Variants in PRKCG observed in about 807,000 individuals in gnomAD.
PRKCG encodes protein kinase C gamma.
In PRKCG, 28 loss-of-function variants were observed where a neutral mutation model predicts 82.0. The observed-to-expected ratio is 0.34, with a 90% CI of 0.25 to 0.47. PRKCG has a LOEUF of 0.47. Among genes scored for constraint, PRKCG ranks in the 20% least tolerant of loss-of-function variants. The pLI is 1.00. For missense variants in PRKCG, 640 were observed against 952.7 expected (o/e 0.67, Z 4.32); for synonymous variants, 383 against 376.6 (o/e 1.02, Z -0.20).
At chr19:53,887,787 A>C (rs1308497490) in intron 3 of PRKCG, among the ~76,000 whole-genome samples, 2 of 146,978 alleles carry the variant, frequency 1.4e-5, no homozygotes, top group African/African-American at 2.5e-5. Flanking sequence ...CCGAGATCAC[A>C]CCACTGCACT....
At chr19:53,885,709 G>A (rs772287006) in intron 3 of PRKCG, among the ~76,000 whole-genome samples, 36 of 152,070 alleles carry the variant, frequency 2.4e-4, no homozygotes, top group Admixed American at 3.9e-4. Context: ...GAGAGAGAGA[G>A]ATCCACAGAA....
chr19:53,907,152 G>A lies in PRKCG; in HGVS notation c.*257G>A. 1 of 762,598 alleles carries A rather than the reference G, an allele frequency of 1.3e-6. No individual in the cohort carries two copies. Among genetic ancestry groups the A allele is most frequent in the East Asian group, 2.9e-5 (1 of 35,006 alleles). 47.2% of individuals were successfully genotyped at this position (762,598 alleles called of 1,614,324 possible). A position where few individuals can be genotyped will look rare whatever the true frequency, so the allele number is the denominator to read the frequency against. ...CCCTGACCTTAGCGTTCTGGACTCTGCCCCAATCGGGTCCAGAGACCACAC... is the reference window on the plus strand; with the variant it reads ...CCCTGACCTTAGCGTTCTGGACTCTACCCCAATCGGGTCCAGAGACCACAC... On this transcript the variant is annotated 3_prime_UTR_variant, in exon 18 of 18. Transcript: ENST00000263431.
At position 53,889,006 on chromosome 19, in the gene PRKCG, G is replaced by A. The variant is rs1381599865; in HGVS notation, c.286-632G>A. On this transcript the variant is annotated intron_variant, in intron 3 of 17. Transcript: ENST00000263431. The surrounding 1 kb of genome is among the most constrained non-coding windows in gnomAD (Gnocchi z 4.4). ...CTTGCTCTGTCATCCAGGCTGGAGT[G>A]CAGTGGCACAATCTTGGCTCACTGC... Among the ~76,000 whole-genome samples the A allele has an allele frequency of 6.6e-6, 1 of 152,098 alleles. No individual in the cohort carries two copies. The highest frequency in any genetic ancestry group is 1.5e-5 in the Non-Finnish European group (1 of 68,020).
At chr19:53,894,053 G>C (rs184685619) in intron 9 of PRKCG, among the ~76,000 whole-genome samples, 1 of 144,028 alleles carries the variant, frequency 6.9e-6, no homozygotes, top group African/African-American at 2.6e-5. Context: ...CACTGCGCCC[G>C]ACCGATTCTT....
In PRKCG at chr19:53,889,104, C is replaced by T. The variant is rs192659017; in HGVS notation, c.286-534C>T. Among the ~76,000 whole-genome samples the T allele has an allele frequency of 5.3e-3, 806 of 152,252 alleles. 9 individuals are homozygous for T. Among genetic ancestry groups the T allele is most frequent in the African/African-American group, 0.018 (768 of 41,532 alleles). Reference sequence around the variant, plus strand: ...AGTAGCTGGGATTACAGGCATGCACCACCATGTCCGGCTAATTTTTGTATT... The same window carrying T: ...AGTAGCTGGGATTACAGGCATGCACTACCATGTCCGGCTAATTTTTGTATT... On this transcript the variant is annotated intron_variant, in intron 3 of 17. Coordinates refer to ENST00000263431, the MANE Select transcript of PRKCG (RefSeq NM_002739.5). This position sits in a 1 kb window ranked among gnomAD's most constrained non-coding sequence, Gnocchi z 4.4.
chr19:53,885,821 A>T (rs2068627282), intron 3 of PRKCG, among the ~76,000 whole-genome samples: 1 of 152,080 alleles, frequency 6.6e-6, no homozygotes, highest in Admixed American at 6.5e-5. Context: ...GTCTACCAGC[A>T]CGTGTATGTG....
At chr19:53,881,661 G>C (rs767913858), upstream of PRKCG, 2 of 152,296 alleles carry the variant, frequency 1.3e-5, no homozygotes, top group Non-Finnish European at 2.9e-5. Context: ...GCATTTCTCG[G>C]AGACAGGGAA....
chr19:53,893,509 AGG>A, intron 9 of PRKCG, 118 bp downstream of exon 9: 5 of 1,137,656 alleles, frequency 4.4e-6, no homozygotes, highest in Non-Finnish European at 6.6e-6. Flanking sequence ...CATTTGTGCT[AGG>A]CCTGTCTTGT....
At position 53,889,488 on chromosome 19, in the gene PRKCG, G is replaced by C. The variant is rs977288234; in HGVS notation, c.286-150G>C. The stretch of plus-strand genomic sequence containing the variant: ...CAAGAACAGTCCCTGGCACACAGCA[G>C]GTGCTCAATGATTATTGGTACATAG... On this transcript the variant is annotated intron_variant, in intron 3 of 17. Transcript: ENST00000263431. The surrounding 1 kb of genome is among the most constrained non-coding windows in gnomAD (Gnocchi z 4.4). 1 of 659,106 alleles carries C rather than the reference G, an allele frequency of 1.5e-6. No individual in the cohort carries two copies. The highest frequency in any genetic ancestry group is 2.8e-6 in the Non-Finnish European group (1 of 361,654). The allele number at this position is 659,106 out of a possible 1,614,324, so 40.8% of individuals were successfully genotyped here.
At chr19:53,897,110 G>C (rs1224681124) in intron 9 of PRKCG, among the ~76,000 whole-genome samples, 3 of 152,174 alleles carry the variant, frequency 2.0e-5, no homozygotes, top group Admixed American at 1.3e-4. Context: ...GCCTGGGAGA[G>C]AGAAGAACAA....
At chr19:53,886,078 A>AT (rs1340733943) in intron 3 of PRKCG, among the ~76,000 whole-genome samples, 26 of 144,906 alleles carry the variant, frequency 1.8e-4, no homozygotes, top group South Asian at 1.8e-3. Flanking sequence ...AAAAAAAAAG[A>AT]TTTTTTTTTG....
Position 53,889,568 on chromosome 19 carries a change from TA to T in PRKCG, c.286-66del. 2 of 1,184,220 alleles carry T rather than the reference TA, an allele frequency of 1.7e-6. No individual in the cohort carries two copies. The highest frequency in any genetic ancestry group is 2.5e-6 in the Non-Finnish European group (2 of 797,888). 73.4% of individuals were successfully genotyped at this position (1,184,220 alleles called of 1,614,324 possible). A position where few individuals can be genotyped will look rare whatever the true frequency, so the allele number is the denominator to read the frequency against. On this transcript the variant is annotated intron_variant, in intron 3 of 17. Transcript: ENST00000263431. The surrounding 1 kb of genome is among the most constrained non-coding windows in gnomAD (Gnocchi z 4.4). Reference sequence around the variant, plus strand: ...TAGAGAGCAAGGCAGGAGGAAAAGATAAAAGGGCCCCTCCCCTGGGGTTTTA... The same window carrying T: ...TAGAGAGCAAGGCAGGAGGAAAAGATAAAGGGCCCCTCCCCTGGGGTTTTA...
chr19:53,893,499 C>T, intron 9 of PRKCG, 108 bp downstream of exon 9: 1 of 1,220,480 alleles, frequency 8.2e-7, no homozygotes, highest in Non-Finnish European at 1.2e-6. Context: ...GTTGAGCACA[C>T]ATTTGTGCTA....
chr19:53,882,899 G>T lies in PRKCG; in HGVS notation c.170+235G>T, dbSNP rs1322334300. On this transcript the variant is annotated intron_variant, in intron 1 of 17. Transcript: ENST00000263431. The surrounding 1 kb of genome is among the most constrained non-coding windows in gnomAD (Gnocchi z 6.1). Reference sequence around the variant, plus strand: ...TGGAGGACAGAGGTCCTGGAGTCTTGGGTCTGAGGGAGGAAGGGCCTGGGG... The same window carrying T: ...TGGAGGACAGAGGTCCTGGAGTCTTTGGTCTGAGGGAGGAAGGGCCTGGGG... Among the ~76,000 whole-genome samples the T allele has an allele frequency of 6.6e-6, 1 of 151,880 alleles. No homozygotes were observed. The highest frequency in any genetic ancestry group is 1.9e-4 in the East Asian group (1 of 5,150).
At position 53,901,714 on chromosome 19, in the gene PRKCG, G is replaced by A. The variant is rs573943349; in HGVS notation, c.1575+965G>A. ...AAAATACAAAAATTAGCCAGGCGTG[G>A]TGGCGGGTGCCTGTAGTCCCAGCTA... On this transcript the variant is annotated intron_variant, in intron 14 of 17. Coordinates refer to ENST00000263431, the MANE Select transcript of PRKCG (RefSeq NM_002739.5). 2.8e-3 allele frequency among the ~76,000 whole-genome samples: 427 copies of A among 151,394 alleles called. 4 individuals carry two copies. Among genetic ancestry groups the A allele is most frequent in the Middle Eastern group, 6.8e-3 (2 of 292 alleles).
In PRKCG at chr19:53,898,681, TG is replaced by T. The variant is rs2068735949; in HGVS notation, c.1281+55del. 2.7e-6 allele frequency: 4 copies of T among 1,508,130 alleles called. No individual in the cohort carries two copies. The African/African-American group carries it at 5.7e-5, about 21-fold the overall frequency. The allele number at this position is 1,508,130 out of a possible 1,614,324, so 93.4% of individuals were successfully genotyped here. A position where few individuals can be genotyped will look rare whatever the true frequency, so the allele number is the denominator to read the frequency against. ...CTCCGGGCCCTGCCTTATCCAGTTC[TG>T]GACATCTGCGTTGGGATTCTGAGTT... On this transcript the variant is annotated intron_variant, in intron 11 of 17. Coordinates refer to ENST00000263431, the MANE Select transcript of PRKCG (RefSeq NM_002739.5).
At chr19:53,891,600 T>C in intron 5 of PRKCG, 74 bp from the exon 6 acceptor site, 6 of 1,577,176 alleles carry the variant, frequency 3.8e-6, no homozygotes, top group Non-Finnish European at 5.2e-6. Flanking sequence ...AACTCTTGAT[T>C]GCTGACTGGA....
chr19:53,885,481 C>T (rs1041618143), intron 3 of PRKCG, among the ~76,000 whole-genome samples: 1 of 152,144 alleles, frequency 6.6e-6, no homozygotes, highest in African/African-American at 2.4e-5. Flanking sequence ...CCACCCGCCT[C>T]GGCCTCCCAA....
In PRKCG at chr19:53,889,455, C is replaced by T. The variant is rs914455828; in HGVS notation, c.286-183C>T. On this transcript the variant is annotated intron_variant, in intron 3 of 17. Coordinates refer to ENST00000263431, the MANE Select transcript of PRKCG (RefSeq NM_002739.5). The surrounding 1 kb of genome is among the most constrained non-coding windows in gnomAD (Gnocchi z 4.4). ...TTTTTTCATTTGTTTAATGCTGGGT[C>T]CCCACACCAAGAACAGTCCCTGGCA... 8.6e-5 allele frequency among the ~76,000 whole-genome samples: 13 copies of T among 151,428 alleles called. No individual in the cohort carries two copies. The highest frequency in any genetic ancestry group is 3.2e-4 in the African/African-American group (13 of 41,080).
Sources: allele counts gnomAD v4.1 joint callset (sites outside exome capture counted in the v4.1 genomes callset), GRCh38; gene constraint gnomAD v4.1.1; non-coding constraint Gnocchi (gnomAD v3.1); transcripts MANE v1.5; gene names NCBI Gene and HGNC (gene_info 2026-07-23, HGNC 2026-07-21).